Variants in EIF4G3 observed in about 807,000 individuals in gnomAD.
The protein encoded by EIF4G3 is eIF-4-gamma 3.
In EIF4G3, 34 loss-of-function variants were observed where a neutral mutation model predicts 186.4. The ratio of observed to expected loss-of-function variants is 0.18; its 90% CI spans 0.14 to 0.24. The LOEUF is 0.24. Among genes scored for constraint, EIF4G3 ranks in the 10% least tolerant of loss-of-function variants. The pLI, the probability that EIF4G3 is intolerant of heterozygous loss-of-function variation, is 1.00. For synonymous variants in EIF4G3, 673 were observed against 679.5 expected (o/e 0.99, Z 0.15); for missense variants, 1,536 against 1,948.5 (o/e 0.79, Z 3.99).
Position 20,855,080 on chromosome 1 carries a change from T to A in EIF4G3, c.3340-9A>T. 6.3e-7 allele frequency: 1 copy of A among 1,587,826 alleles called. No homozygotes were observed. Among genetic ancestry groups the A allele is most frequent in the Non-Finnish European group, 8.6e-7 (1 of 1,159,714 alleles). On this transcript the variant is annotated splice_polypyrimidine_tract_variant and intron_variant, in intron 25 of 36. Coordinates refer to ENST00000602326, the MANE Select transcript of EIF4G3 (RefSeq NM_001391906.1). ...TTTTCATCAATTGTAGGCTGTAACA[T>A]AAGGGACCACAAGTCAATTATAGGA...
intron 30 of EIF4G3, among the ~76,000 whole-genome samples, chr1:20,838,014 A>AT: frequency 6.6e-6 from 1 of 152,310 alleles, no homozygotes; most frequent in South Asian, 2.1e-4. Context: ...ATGGTGAAAC[A>AT]TGAAGTAATT....
chr1:21,176,730 G>A lies in EIF4G3; in HGVS notation c.-464C>T, dbSNP rs1042372909. ...AGGCGGAGAGACCGGACCTTTCACG[G>A]CAATATCCTCATGGGCCGGCGGCGG... On this transcript the variant is annotated 5_prime_UTR_variant, in exon 1 of 37. Transcript: ENST00000602326. The A allele has an allele frequency of 4.2e-5, 29 of 693,844 alleles. No individual in the cohort carries two copies. Among genetic ancestry groups the A allele is most frequent in the Non-Finnish European group, 7.6e-5 (29 of 381,348 alleles). 43.0% of individuals were successfully genotyped at this position (693,844 alleles called of 1,614,324 possible).
chr1:21,059,368 T>A (rs35297702), intron 3 of EIF4G3, among the ~76,000 whole-genome samples: 3,129 of 152,148 alleles, frequency 0.021, 62 homozygotes, highest in Non-Finnish European at 0.027. Context: ...ATATTTTGTA[T>A]CATCCTAGTT....
At chr1:21,086,760 T>C (rs1446554137) in intron 3 of EIF4G3, among the ~76,000 whole-genome samples, 1 of 151,792 alleles carries the variant, frequency 6.6e-6, no homozygotes, top group Admixed American at 6.6e-5. Flanking sequence ...GCCAATATGG[T>C]GAAACCCCAT....
chr1:20,920,186 G>GT (rs1236112537), intron 14 of EIF4G3, among the ~76,000 whole-genome samples: 1 of 152,198 alleles, frequency 6.6e-6, no homozygotes, highest in Non-Finnish European at 1.5e-5. Context: ...GATTACAGGC[G>GT]TGAGTCACTG....
At chr1:21,117,763 T>TAAAAAAAAAAAAAAAAAAA (rs757506833) in intron 2 of EIF4G3, among the ~76,000 whole-genome samples, 242 of 107,274 alleles carry the variant, frequency 2.3e-3, no homozygotes, top group East Asian at 4.4e-3. Context: ...AAAAAAAAAT[T>TAAAAAAAAAAAAAAAAAAA]AAAAGCAGAA....
chr1:21,148,478 G>A lies in EIF4G3; in HGVS notation c.-272+27697C>T, dbSNP rs77529586. ...AGCACTTTGGGAGGCCAAGGTAGGC[G>A]GATCACGAGGTCAGGAGATCGAGAC... On this transcript the variant is annotated intron_variant, in intron 2 of 36. Transcript: ENST00000602326. Among the ~76,000 whole-genome samples the A allele has an allele frequency of 0.011, 1,646 of 152,094 alleles. 60 individuals are homozygous for A. The East Asian group carries it at 0.13, about 12-fold the overall frequency.
At position 20,810,678 on chromosome 1, in the gene EIF4G3, T is replaced by A; in HGVS notation, c.4744+60A>T. On this transcript the variant is annotated intron_variant, in intron 36 of 36. Coordinates refer to ENST00000602326, the MANE Select transcript of EIF4G3 (RefSeq NM_001391906.1). This position sits in a 1 kb window ranked among gnomAD's most constrained non-coding sequence, Gnocchi z 4.1. ...GTTCGAACCCTAAATCATCTCTAAG[T>A]CCTGGCTTGGATAAATCTCACTCAT... is the stretch of plus-strand genomic sequence containing the variant. 1 of 1,568,648 alleles carries A rather than the reference T, an allele frequency of 6.4e-7. No individual in the cohort carries two copies. The highest frequency in any genetic ancestry group is 8.8e-7 in the Non-Finnish European group (1 of 1,141,652).
At chr1:20,953,784 C>T (rs2096305776) in intron 12 of EIF4G3, among the ~76,000 whole-genome samples, 1 of 152,240 alleles carries the variant, frequency 6.6e-6, no homozygotes, top group Non-Finnish European at 1.5e-5. Context: ...AGGTAAGTTT[C>T]TACAATTTCA....
At chr1:20,897,237 C>T (rs1045097300) in intron 16 of EIF4G3, among the ~76,000 whole-genome samples, 1 of 152,146 alleles carries the variant, frequency 6.6e-6, no homozygotes, top group Non-Finnish European at 1.5e-5. Flanking sequence ...ACTTCACATA[C>T]ACACTAAGTA....
intron 3 of EIF4G3, among the ~76,000 whole-genome samples, chr1:21,081,991 C>T (rs1173592305): frequency 6.6e-6 from 1 of 151,364 alleles, no homozygotes; most frequent in South Asian, 2.1e-4. Flanking sequence ...CACGGTCTCA[C>T]CATGTTGCCC....
intron 14 of EIF4G3, among the ~76,000 whole-genome samples, chr1:20,930,184 T>C (rs1486563448): frequency 6.6e-6 from 1 of 152,214 alleles, no homozygotes; most frequent in Non-Finnish European, 1.5e-5. Flanking sequence ...CTTACCTTGA[T>C]GATGATGGCT....
At position 21,176,751 on chromosome 1, in the gene EIF4G3, G is replaced by A; in HGVS notation, c.-485C>T. 2 of 698,114 alleles carry A rather than the reference G, an allele frequency of 2.9e-6. No homozygotes were observed. The highest frequency in any genetic ancestry group is 5.2e-6 in the Non-Finnish European group (2 of 383,128). The allele number at this position is 698,114 out of a possible 1,614,324, so 43.2% of individuals were successfully genotyped here. Reference sequence around the variant, plus strand: ...CACGGCAATATCCTCATGGGCCGGCGGCGGGGGATCTTTATCCCCCTCCCC... The same window carrying A: ...CACGGCAATATCCTCATGGGCCGGCAGCGGGGGATCTTTATCCCCCTCCCC... On this transcript the variant is annotated 5_prime_UTR_variant, in exon 1 of 37. Transcript: ENST00000602326.
chr1:20,884,163 G>T (rs1411846654), intron 19 of EIF4G3, among the ~76,000 whole-genome samples: 1 of 152,118 alleles, frequency 6.6e-6, no homozygotes, highest in Admixed American at 6.5e-5. Flanking sequence ...CTCTGTAAAG[G>T]AATTTTAAAA....
chr1:21,002,696 A>T lies in EIF4G3; in HGVS notation c.30+17T>A. The T allele has an allele frequency of 6.2e-7, 1 of 1,612,742 alleles. No homozygotes were observed. The highest frequency in any genetic ancestry group is 1.1e-5 in the South Asian group (1 of 90,822). ...CAGGTAGAGAATGTAATTTGGTTCA[A>T]GCTTCTGCTTACTTACCGGAGAACG... is the stretch of plus-strand genomic sequence containing the variant. On this transcript the variant is annotated intron_variant, in intron 5 of 36. Transcript: ENST00000602326.
chr1:21,068,328 C>T (rs1370484064), intron 3 of EIF4G3, among the ~76,000 whole-genome samples: 1 of 142,346 alleles, frequency 7.0e-6, no homozygotes, highest in African/African-American at 2.6e-5. Context: ...GAGATCGTAC[C>T]ACTGCACCTG....
intron 14 of EIF4G3, among the ~76,000 whole-genome samples, chr1:20,914,480 C>G (rs1264045491): frequency 6.6e-6 from 1 of 152,066 alleles, no homozygotes; most frequent in Non-Finnish European, 1.5e-5. Context: ...ATAAAAAAGA[C>G]AAAGGAATAG....
rs552409168 is a variant in EIF4G3, at chr1:20,914,953, T to C, written c.1664-9982A>G. Reference sequence around the variant, plus strand: ...TGGCTGACTATGCTATTCCAGCTCCTAGGTCCTTACTAGTTTTCTGTTTAC... The same window carrying C: ...TGGCTGACTATGCTATTCCAGCTCCCAGGTCCTTACTAGTTTTCTGTTTAC... On this transcript the variant is annotated intron_variant, in intron 14 of 36. Coordinates refer to ENST00000602326, the MANE Select transcript of EIF4G3 (RefSeq NM_001391906.1). 2.4e-4 allele frequency among the ~76,000 whole-genome samples: 36 copies of C among 152,362 alleles called. 1 individual carries two copies. The highest frequency in any genetic ancestry group is 7.9e-4 in the African/African-American group (33 of 41,596).
At chr1:21,100,791 C>G (rs2096499189) in intron 2 of EIF4G3, among the ~76,000 whole-genome samples, 1 of 152,170 alleles carries the variant, frequency 6.6e-6, no homozygotes, top group Non-Finnish European at 1.5e-5. Context: ...GCAACAGTAA[C>G]AGTAAAACAG....
Sources: allele counts gnomAD v4.1 joint callset (sites outside exome capture counted in the v4.1 genomes callset), GRCh38; gene constraint gnomAD v4.1.1; non-coding constraint Gnocchi (gnomAD v3.1); transcripts MANE v1.5; gene names NCBI Gene and HGNC (gene_info 2026-07-23, HGNC 2026-07-21).